The following DST variants were observed in gnomAD, a reference collection of about 807,000 sequenced individuals.
The protein encoded by DST is dystonin, also known as bullous pemphigoid antigen.
In DST, 253 loss-of-function variants were observed where a neutral mutation model predicts 875.2. The ratio of observed to expected loss-of-function variants is 0.29; its 90% CI spans 0.26 to 0.32. The LOEUF is 0.32. DST is among the 10% of genes least tolerant of loss of function. DST has a pLI of 1.00. For synonymous variants in DST, 3,124 were observed against 3,197.1 expected, an observed-to-expected ratio of 0.98 and a Z score of 0.77; for missense variants, 8,287 against 9,111.6, an observed-to-expected ratio of 0.91 and a Z score of 3.68.
Position 56,604,547 on chromosome 6 carries a change from T to A in DST, c.10081A>T (p.Ser3361Cys). ...TTCATATGACCTTCTTTCAACCTGC[T>A]TTTTAAGATATCCTTTACATCCTCC... ...FVEDVKDILK[S>C]RLKEGHMNPQ... The change falls in exon 40 of 104, where the codon AGC becomes TGC. Residue 3361 changes from serine to cysteine, a missense_variant. Around this residue, in one of 10 missense-constraint regions of DST, gnomAD observed 3,138 missense variants for 3,116.6 expected, o/e 1.01. Transcript: ENST00000680361. 1 of 1,612,384 alleles carries A rather than the reference T, an allele frequency of 6.2e-7. No individual in the cohort carries two copies. The highest frequency in any genetic ancestry group is 8.5e-7 in the Non-Finnish European group (1 of 1,179,052).
In DST at chr6:56,702,709, T is replaced by C. The variant is rs532250161; in HGVS notation, c.877-744A>G. On this transcript the variant is annotated intron_variant, in intron 7 of 103. Transcript: ENST00000680361. ...TTAATGCCATTTCCCTTAAGAAATG[T>C]TACAAGTTAGCATGAAGGAAACAGA... is the stretch of plus-strand genomic sequence containing the variant. Among the ~76,000 whole-genome samples the C allele has an allele frequency of 2.0e-5, 3 of 152,232 alleles. No homozygotes were observed. The South Asian group carries it at 6.2e-4, about 32-fold the overall frequency.
intron 10 of DST, among the ~76,000 whole-genome samples, chr6:56,669,384 TC>T (rs1420821013): frequency 1.3e-5 from 2 of 150,248 alleles, no homozygotes; most frequent in Non-Finnish European, 3.0e-5. Context: ...TCACCTGAGG[TC>T]AGGAGTTCAA....
At chr6:56,857,453 A>G (rs2127587247) in intron 3 of DST, among the ~76,000 whole-genome samples, 1 of 152,364 alleles carries the variant, frequency 6.6e-6, no homozygotes, top group East Asian at 1.9e-4. Context: ...CTTCACAAAC[A>G]CTTAGAGAAG....
In DST at chr6:56,569,372, A is replaced by G. The variant is rs186652330; in HGVS notation, c.13878+484T>C. Among the ~76,000 whole-genome samples the G allele has an allele frequency of 4.1e-3, 584 of 141,784 alleles. 15 individuals carry two copies. Among genetic ancestry groups the G allele is most frequent in the Admixed American group, 0.036 (531 of 14,910 alleles). 93.0% of individuals were successfully genotyped at this position (141,784 alleles called of 152,430 possible). On this transcript the variant is annotated intron_variant, in intron 54 of 103. Coordinates refer to ENST00000680361, the MANE Select transcript of DST (RefSeq NM_001374736.1). ...ACACACACACATCCACAAATTTGGA[A>G]TGGGGGAAAAAAAATGCCATATTGG...
intron 9 of DST, among the ~76,000 whole-genome samples, chr6:56,677,609 C>T (rs907180736): frequency 1.3e-5 from 2 of 152,158 alleles, no homozygotes; most frequent in African/African-American, 4.8e-5. Context: ...AGCACCTAGC[C>T]CCACCATAAT....
At chr6:56,851,871 T>C in intron 3 of DST, 1 of 1,551,136 alleles carries the variant, frequency 6.4e-7, no homozygotes, top group Non-Finnish European at 8.7e-7. Context: ...AAGAAGTGTG[T>C]GGCCTGTGGT....
At chr6:56,744,564 T>C (rs2152942400) in intron 4 of DST, among the ~76,000 whole-genome samples, 1 of 152,278 alleles carries the variant, frequency 6.6e-6, no homozygotes, top group East Asian at 1.9e-4. Flanking sequence ...GAAGGAATAG[T>C]TGGGATCGTT....
chr6:56,465,068 G>A (rs988613218), intron 99 of DST, among the ~76,000 whole-genome samples: 16 of 152,280 alleles, frequency 1.1e-4, no homozygotes, highest in Admixed American at 2.0e-4. Context: ...AAAACAAACA[G>A]GAGCTTTTGT....
intron 61 of DST, among the ~76,000 whole-genome samples, chr6:56,538,242 A>G (rs892317056): frequency 3.9e-5 from 6 of 152,116 alleles, no homozygotes; most frequent in African/African-American, 1.4e-4. Context: ...TTCTTACCTC[A>G]GCCTTGCAAA....
chr6:56,802,533 A>G (rs1053329433), intron 4 of DST, among the ~76,000 whole-genome samples: 11 of 152,282 alleles, frequency 7.2e-5, no homozygotes, highest in African/African-American at 2.6e-4. Context: ...ACTGAGAATT[A>G]TATCAAATAT....
At chr6:56,540,941 T>C (rs2097114607) in intron 61 of DST, 3 of 152,630 alleles carry the variant, frequency 2.0e-5, no homozygotes, top group Admixed American at 2.0e-4. Context: ...AGACAAACTT[T>C]TAATTCGTGA....
At chr6:56,909,179 G>C (rs550601125) in intron 2 of DST, among the ~76,000 whole-genome samples, 1 of 152,250 alleles carries the variant, frequency 6.6e-6, no homozygotes, top group South Asian at 2.1e-4. Context: ...CTATGCTGCT[G>C]TCAAAAATAT....
chr6:56,883,002 G>T (rs528806633), intron 3 of DST, among the ~76,000 whole-genome samples: 13 of 152,288 alleles, frequency 8.5e-5, no homozygotes, highest in African/African-American at 3.1e-4. Context: ...CAAGTAGCTG[G>T]AATTACAGGT....
chr6:56,847,179 G>A (rs1177220077), intron 4 of DST, among the ~76,000 whole-genome samples: 1 of 151,948 alleles, frequency 6.6e-6, no homozygotes, highest in African/African-American at 2.4e-5. Flanking sequence ...AATAAGCCAA[G>A]CATGGTGGTA....
At chr6:56,725,280 C>T (rs1219561665) in intron 5 of DST, among the ~76,000 whole-genome samples, 3 of 152,168 alleles carry the variant, frequency 2.0e-5, no homozygotes, top group Non-Finnish European at 4.4e-5. Context: ...AGGCAGACTC[C>T]AGGTATGACT....
chr6:56,553,746 A>G (rs2097356614), intron 60 of DST, 91 bp from the exon 61 acceptor site: 5 of 1,250,984 alleles, frequency 4.0e-6, no homozygotes, highest in Non-Finnish European at 5.5e-6. Flanking sequence ...GAATGAATAT[A>G]TAGAATTGTT....
intron 4 of DST, among the ~76,000 whole-genome samples, chr6:56,784,701 G>A (rs144474587): frequency 0.013 from 2,021 of 152,180 alleles, 20 homozygotes; most frequent in Non-Finnish European, 0.017. Context: ...TAGTTTGATC[G>A]TCTGAAGCCT....
At chr6:56,935,389 T>A (rs947955387) in intron 2 of DST, among the ~76,000 whole-genome samples, 10 of 152,244 alleles carry the variant, frequency 6.6e-5, no homozygotes, top group African/African-American at 2.2e-4. Flanking sequence ...CACTGCAGAG[T>A]GGGCAGTAGC....
Position 56,636,426 on chromosome 6 carries a change from GTA to G in DST, c.3060+129_3060+130del, listed in dbSNP as rs113851676. On this transcript the variant is annotated intron_variant, in intron 23 of 103. Coordinates refer to ENST00000680361, the MANE Select transcript of DST (RefSeq NM_001374736.1). ...TGTATATATATACACACATATATGTGTATATATATATGTGTGTATATATATAC... is the reference window on the plus strand; with the variant it reads ...TGTATATATATACACACATATATGTGTATATATATGTGTGTATATATATAC... 1.8e-4 allele frequency: 124 copies of G among 695,620 alleles called. 2 individuals are homozygous for G. The highest frequency in any genetic ancestry group is 6.3e-4 in the African/African-American group (35 of 55,704). 43.1% of individuals were successfully genotyped at this position (695,620 alleles called of 1,614,324 possible). A position where few individuals can be genotyped will look rare whatever the true frequency, so the allele number is the denominator to read the frequency against.
Sources: gnomAD v4.1 joint callset for allele counts (sites outside exome capture counted in the v4.1 genomes callset) on GRCh38, gnomAD v4.1.1 for gene constraint, gnomAD v4.1.1 regional missense constraint, MANE v1.5 for transcripts, NCBI Gene and HGNC (gene_info 2026-07-23, HGNC 2026-07-21) for gene names.